The following TANGO6 variants were observed in gnomAD, a reference collection of about 807,000 sequenced individuals.
The protein encoded by TANGO6 is transport and golgi organization 6 homolog.
In TANGO6, 90 loss-of-function variants were observed where a neutral mutation model predicts 114.2. That is an observed-to-expected ratio of 0.79 (90% CI 0.66 to 0.94). The LOEUF is 0.94. Ranked by LOEUF, TANGO6 falls within the 40% of genes least tolerant of loss-of-function variation. The pLI, the probability that TANGO6 is intolerant of heterozygous loss-of-function variation, is 0.00. For synonymous variants in TANGO6, 477 were observed against 509.8 expected, an observed-to-expected ratio of 0.94 and a Z score of 0.87; for missense variants, 1,274 against 1,315.3, an observed-to-expected ratio of 0.97 and a Z score of 0.49.
chr16:69,074,173 C>T (rs74025366), intron 17 of TANGO6, among the ~76,000 whole-genome samples: 16,198 of 151,926 alleles, frequency 0.11, 960 homozygotes, highest in African/African-American at 0.15. Context: ...GCAGGCTGAC[C>T]GTATAATATG....
chr16:68,924,802 A>G (rs1051998161), intron 12 of TANGO6, among the ~76,000 whole-genome samples: 2 of 151,744 alleles, frequency 1.3e-5, no homozygotes, highest in Non-Finnish European at 2.9e-5. Flanking sequence ...AAAAAAAGAA[A>G]ACAGAAACAA....
chr16:68,919,176 T>C lies in TANGO6; in HGVS notation c.2084T>C (p.Met695Thr). 4 of 1,612,928 alleles carry C rather than the reference T, an allele frequency of 2.5e-6. No individual in the cohort carries two copies. Among genetic ancestry groups the C allele is most frequent in the Non-Finnish European group, 3.4e-6 (4 of 1,179,558 alleles). ...ESTVESQTLSMSMGLVAVMLG... is the reference protein window; with the variant it reads ...ESTVESQTLSTSMGLVAVMLG... ...ACCGTGGAATCACAGACGCTGAGCA[T>C]GTCCATGGGGCTGGTGGCTGTCATG... Residue 695 changes from methionine (M) to threonine (T), a missense_variant, in exon 12 of 18, where the codon ATG (methionine) becomes ACG (threonine). Physicochemically the swap from Met to Thr is moderately conservative, Grantham distance 81. Around this residue, in one of 5 missense-constraint regions of TANGO6, gnomAD observed 908 missense variants for 910.2 expected, o/e 1.00. Coordinates refer to ENST00000261778, the MANE Select transcript of TANGO6 (RefSeq NM_024562.2).
At chr16:69,013,431 C>T in intron 15 of TANGO6, among the ~76,000 whole-genome samples, 1 of 151,954 alleles carries the variant, frequency 6.6e-6, no homozygotes, top group African/African-American at 2.4e-5. Flanking sequence ...GACTGGGCAA[C>T]ATGGCAAAAC....
At chr16:69,067,828 T>C (rs1424812694) in intron 17 of TANGO6, among the ~76,000 whole-genome samples, 2 of 150,952 alleles carry the variant, frequency 1.3e-5, no homozygotes, top group Non-Finnish European at 2.9e-5. Flanking sequence ...TCCCAGCTAC[T>C]CGGGAGGCTG....
At chr16:69,023,749 A>C (rs1271615659) in intron 16 of TANGO6, among the ~76,000 whole-genome samples, 1 of 152,060 alleles carries the variant, frequency 6.6e-6, no homozygotes, top group Non-Finnish European at 1.5e-5. Context: ...CCAAAAAAAA[A>C]CGCTTAAGTT....
At chr16:69,033,007 GA>G (rs1959623981) in intron 16 of TANGO6, among the ~76,000 whole-genome samples, 1 of 151,960 alleles carries the variant, frequency 6.6e-6, no homozygotes, top group Non-Finnish European at 1.5e-5. Flanking sequence ...TCAACATGGT[GA>G]AACCCCATCT....
chr16:68,899,904 G>A (rs1003969121), intron 7 of TANGO6, among the ~76,000 whole-genome samples: 2 of 152,106 alleles, frequency 1.3e-5, no homozygotes, highest in Non-Finnish European at 2.9e-5. Context: ...CAGCCCTACA[G>A]TATAATTTCT....
At chr16:69,012,672 T>A (rs1288700574) in intron 15 of TANGO6, among the ~76,000 whole-genome samples, 1 of 151,566 alleles carries the variant, frequency 6.6e-6, no homozygotes, top group East Asian at 1.9e-4. Flanking sequence ...AATGTTGTAG[T>A]CTGTAATGAA....
At chr16:68,998,605 A>C (rs112933404) in intron 15 of TANGO6, among the ~76,000 whole-genome samples, 25,904 of 151,574 alleles carry the variant, frequency 0.17, 3,415 homozygotes, top group African/African-American at 0.37. Flanking sequence ...GTGGTGGACA[A>C]CTGTAGTCCC....
chr16:68,973,460 C>T (rs1246069707), intron 14 of TANGO6, among the ~76,000 whole-genome samples: 1 of 152,076 alleles, frequency 6.6e-6, no homozygotes, highest in Admixed American at 6.6e-5. Context: ...TCCCTGCCAC[C>T]CCTAAAAAGG....
At position 68,867,193 on chromosome 16, in the gene TANGO6, G is replaced by T; in HGVS notation, c.967G>T (p.Val323Phe). ...GAGACCTAATGGTGTTCAGGCAGTA[G>T]TCCGGGGCATTTTGGAAGGAGCAGG... The part of the protein sequence containing the change: ...LMRPNGVQAV[V>F]RGILEGAGAG... Residue 323 changes from valine to phenylalanine, a missense_variant, in exon 4 of 18, where the codon GTC (valine) becomes TTC (phenylalanine). Val to Phe is a conservative substitution (Grantham distance 50). This residue lies in a region of TANGO6 where 908 missense variants were observed against 910.2 expected (regional missense o/e 1.00). Coordinates refer to ENST00000261778, the MANE Select transcript of TANGO6 (RefSeq NM_024562.2). The T allele has an allele frequency of 6.2e-7, 1 of 1,613,890 alleles. No homozygotes were observed. Among genetic ancestry groups the T allele is most frequent in the Non-Finnish European group, 8.5e-7 (1 of 1,179,868 alleles).
At chr16:68,888,788 C>A (rs1962572249) in intron 7 of TANGO6, among the ~76,000 whole-genome samples, 1 of 151,940 alleles carries the variant, frequency 6.6e-6, no homozygotes, top group African/African-American at 2.4e-5. Context: ...TAAGTGTAAC[C>A]TCTCACTTTT....
At chr16:68,980,849 G>A (rs1364300527) in intron 15 of TANGO6, among the ~76,000 whole-genome samples, 1 of 151,940 alleles carries the variant, frequency 6.6e-6, no homozygotes, top group East Asian at 1.9e-4. Context: ...TACAAAATTA[G>A]CCAGGCATAG....
intron 15 of TANGO6, among the ~76,000 whole-genome samples, chr16:68,978,904 GTAAAGTATA>G (rs1356558677): frequency 6.7e-6 from 1 of 149,224 alleles, no homozygotes; most frequent in Non-Finnish European, 1.5e-5. Context: ...CATATATACA[GTAAAGTATA>G]TAAAGTATAT....
In TANGO6 at chr16:69,063,808, C is replaced by CTTATTATTA. The variant is rs1179628552; in HGVS notation, c.3109-19648_3109-19640dup. Among the ~76,000 whole-genome samples, 252 of 125,566 alleles carry CTTATTATTA rather than the reference C, an allele frequency of 2.0e-3. 1 individual carries two copies. The highest frequency in any genetic ancestry group is 4.1e-3 in the East Asian group (18 of 4,432). The allele number at this position is 125,566 out of a possible 152,430, so 82.4% of individuals were successfully genotyped here. The stretch of plus-strand genomic sequence containing the variant: ...TCTTCTTCTTCTTCTTCTTCTTCTT[C>CTTATTATTA]TTATTATTATTATTATTATTATTAT... On this transcript the variant is annotated intron_variant, in intron 17 of 17. Transcript: ENST00000261778.
chr16:69,055,262 G>T (rs1050373523), intron 17 of TANGO6, among the ~76,000 whole-genome samples: 1 of 152,164 alleles, frequency 6.6e-6, no homozygotes, highest in Non-Finnish European at 1.5e-5. Context: ...ATCCAAAGAA[G>T]GGCTGAACAA....
chr16:68,957,422 G>C (rs979483309), intron 14 of TANGO6, among the ~76,000 whole-genome samples: 2 of 140,086 alleles, frequency 1.4e-5, no homozygotes, highest in Non-Finnish European at 3.0e-5. Context: ...TTTTGAGACA[G>C]TGTCTCGCTC....
At chr16:69,081,806 T>G (rs1417961034) in intron 17 of TANGO6, among the ~76,000 whole-genome samples, 1 of 150,924 alleles carries the variant, frequency 6.6e-6, no homozygotes, top group Non-Finnish European at 1.5e-5. Flanking sequence ...GCATTGGTCA[T>G]GAAAAATGGA....
chr16:69,011,126 G>A (rs1019203376), intron 15 of TANGO6, among the ~76,000 whole-genome samples: 2 of 152,064 alleles, frequency 1.3e-5, no homozygotes, highest in East Asian at 1.9e-4. Flanking sequence ...AATATAATTC[G>A]TTTTAGCTAG....
Sources: gnomAD v4.1 joint callset for allele counts (sites outside exome capture counted in the v4.1 genomes callset) on GRCh38, gnomAD v4.1.1 for gene constraint, gnomAD v4.1.1 regional missense constraint, MANE v1.5 for transcripts, NCBI Gene and HGNC (gene_info 2026-07-23, HGNC 2026-07-21) for gene names.